ZBTB46: variants seen among roughly 807,000 people sequenced by gnomAD.
ZBTB46 encodes the protein zinc finger and BTB domain containing 46, also known as zinc finger and BTB domain-containing protein 46.
ZBTB46 carries 8 observed loss-of-function variants against 44.1 expected under a neutral mutation model. That is an observed-to-expected ratio of 0.18 (90% CI 0.11 to 0.33). The LOEUF (loss-of-function observed/expected upper bound fraction) is 0.33. Among genes scored for constraint, ZBTB46 ranks in the 10% least tolerant of loss-of-function variants. The pLI, the probability that ZBTB46 is intolerant of heterozygous loss-of-function variation, is 1.00. For missense variants in ZBTB46, 651 were observed against 847.7 expected, an observed-to-expected ratio of 0.77 and a Z score of 2.88; for synonymous variants, 409 against 382.3, an observed-to-expected ratio of 1.07 and a Z score of -0.81.
At chr20:63,805,214 C>T (rs146606180) in intron 1 of ZBTB46, among the ~76,000 whole-genome samples, 3 of 152,118 alleles carry the variant, frequency 2.0e-5, no homozygotes, top group African/African-American at 7.2e-5. Context: ...CCACCACGCC[C>T]GACCTACAGT....
chr20:63,764,544 G>A (rs149941551), intron 3 of ZBTB46, among the ~76,000 whole-genome samples: 2 of 151,870 alleles, frequency 1.3e-5, no homozygotes, highest in African/African-American at 4.8e-5. Context: ...TCTAGCTTCT[G>A]TAGTTTCTGG....
At chr20:63,831,300 GC>G (rs1338322514), upstream of ZBTB46, 1 of 110,428 alleles carries the variant, frequency 9.1e-6, no homozygotes, top group African/African-American at 3.8e-5. Context: ...GGCCCCCGCC[GC>G]CCGCGCGCGC....
At chr20:63,762,473 GA>G (rs1348854910) in intron 3 of ZBTB46, among the ~76,000 whole-genome samples, 1 of 152,100 alleles carries the variant, frequency 6.6e-6, no homozygotes, top group Non-Finnish European at 1.5e-5. Flanking sequence ...CCAACATGGT[GA>G]AATCCTGTCT....
chr20:63,782,247 T>G (rs903925550), intron 2 of ZBTB46, among the ~76,000 whole-genome samples: 2 of 150,960 alleles, frequency 1.3e-5, no homozygotes, highest in African/African-American at 4.9e-5. Context: ...TCCGCAGACC[T>G]GATTCGGTTC....
chr20:63,768,350 G>C (rs953397880), intron 3 of ZBTB46, among the ~76,000 whole-genome samples: 1 of 152,190 alleles, frequency 6.6e-6, no homozygotes, highest in African/African-American at 2.4e-5. Context: ...CAGCACTTTG[G>C]GAGGCCGAGG....
At chr20:63,807,231 C>T (rs562218289) in intron 1 of ZBTB46, among the ~76,000 whole-genome samples, 8 of 152,200 alleles carry the variant, frequency 5.3e-5, no homozygotes, top group Non-Finnish European at 7.4e-5. Flanking sequence ...TTGAAATTGA[C>T]TTTTCTTTTT....
At chr20:63,811,073 A>G (rs1413076949) in intron 1 of ZBTB46, among the ~76,000 whole-genome samples, 1 of 152,220 alleles carries the variant, frequency 6.6e-6, no homozygotes. Context: ...GCAGGCGAAG[A>G]GTCTGCCTCT....
chr20:63,761,171 G>GT (rs2092272528), intron 3 of ZBTB46, among the ~76,000 whole-genome samples: 1 of 148,748 alleles, frequency 6.7e-6, no homozygotes, highest in African/African-American at 2.5e-5. Context: ...GCTAATTTTT[G>GT]TATTTTTAGT....
At chr20:63,796,844 A>T (rs1038810493) in intron 1 of ZBTB46, among the ~76,000 whole-genome samples, 6 of 151,982 alleles carry the variant, frequency 3.9e-5, no homozygotes, top group Non-Finnish European at 5.9e-5. Flanking sequence ...AAAATAAAAT[A>T]AAAATAAAAT....
chr20:63,747,348 G>A (rs1222130327), intron 4 of ZBTB46, 47 bp from the exon 5 acceptor site: 1 of 1,333,312 alleles, frequency 7.5e-7, no homozygotes, highest in South Asian at 1.7e-5. Context: ...GGGTTGGGGG[G>A]CGGGGCAGGG....
intron 3 of ZBTB46, among the ~76,000 whole-genome samples, chr20:63,760,814 C>A (rs949069114): frequency 6.9e-6 from 1 of 145,506 alleles, no homozygotes; most frequent in Admixed American, 6.9e-5. Context: ...TGTTCACTTT[C>A]GGTTTTGGGG....
chr20:63,813,864 C>G (rs149276754), intron 1 of ZBTB46, among the ~76,000 whole-genome samples: 1 of 152,178 alleles, frequency 6.6e-6, no homozygotes, highest in Admixed American at 6.5e-5. Context: ...TTGCGGGGTG[C>G]CCGGCTGCGT....
At chr20:63,799,543 T>C (rs934254867) in intron 1 of ZBTB46, among the ~76,000 whole-genome samples, 5 of 152,020 alleles carry the variant, frequency 3.3e-5, no homozygotes, top group Admixed American at 3.3e-4. Flanking sequence ...GGACAGGGTT[T>C]CGCCATGTTG....
intron 1 of ZBTB46, among the ~76,000 whole-genome samples, chr20:63,824,130 G>GTGGGACGAAGCT (rs1170727362): frequency 1.3e-5 from 2 of 151,960 alleles, no homozygotes; most frequent in African/African-American, 4.8e-5. Context: ...TAAGCATCAG[G>GTGGGACGAAGCT]GCCACCTTCG....
At chr20:63,806,332 G>C (rs1286987988) in intron 1 of ZBTB46, among the ~76,000 whole-genome samples, 1 of 149,044 alleles carries the variant, frequency 6.7e-6, no homozygotes, top group Non-Finnish European at 1.5e-5. Flanking sequence ...GCTTGAACCC[G>C]AGAGGCAGAG....
At chr20:63,825,256 C>T (rs2092813433) in intron 1 of ZBTB46, among the ~76,000 whole-genome samples, 1 of 151,846 alleles carries the variant, frequency 6.6e-6, no homozygotes, top group Non-Finnish European at 1.5e-5. Flanking sequence ...CAAAAATTAG[C>T]CGGGCGTGGT....
At chr20:63,830,812 G>T (rs945894933) in intron 1 of ZBTB46, among the ~76,000 whole-genome samples, 2 of 142,784 alleles carry the variant, frequency 1.4e-5, no homozygotes, top group African/African-American at 5.0e-5. Context: ...GCCCCGCGGG[G>T]AACCCGCGCC....
At chr20:63,759,498 C>A (rs1171196753) in intron 3 of ZBTB46, among the ~76,000 whole-genome samples, 1 of 152,108 alleles carries the variant, frequency 6.6e-6, no homozygotes, top group East Asian at 1.9e-4. Context: ...GTGCTGAGAT[C>A]ACAGGCATGA....
chr20:63,802,064 ACC>A (rs2092649953), intron 1 of ZBTB46, among the ~76,000 whole-genome samples: 2 of 152,090 alleles, frequency 1.3e-5, no homozygotes, highest in African/African-American at 4.8e-5. Context: ...TGAAGCCCTA[ACC>A]CCTCATATTT....
Sources: gnomAD v4.1 joint callset for allele counts (sites outside exome capture counted in the v4.1 genomes callset) on GRCh38, gnomAD v4.1.1 for gene constraint, MANE v1.5 for transcripts, NCBI Gene and HGNC (gene_info 2026-07-23, HGNC 2026-07-21) for gene names.